Variants in PTGIS observed in about 807,000 individuals in gnomAD.
PTGIS encodes the protein prostacyclin synthase.
In PTGIS, 45 loss-of-function variants were observed where a neutral mutation model predicts 50.3. The observed-to-expected ratio is 0.90, with a 90% CI of 0.70 to 1.15. The LOEUF (loss-of-function observed/expected upper bound fraction) is 1.15, where lower values mean the gene tolerates loss of function less well. Ranked by LOEUF, PTGIS falls within the 50% of genes most tolerant of loss-of-function variation. The probability of loss-of-function intolerance (pLI) is 0.00; values close to 1 mark genes in which losing one functional copy is unlikely to be tolerated. For synonymous variants in PTGIS, 260 were observed against 267.7 expected, an observed-to-expected ratio of 0.97 and a Z score of 0.28; for missense variants, 668 against 661.3, an observed-to-expected ratio of 1.01 and a Z score of -0.11.
intron 5 of PTGIS, among the ~76,000 whole-genome samples, chr20:49,538,994 T>C (rs1224598757): frequency 2.0e-5 from 3 of 152,116 alleles, no homozygotes; most frequent in Non-Finnish European, 4.4e-5. Context: ...TCAGTGCGTT[T>C]AGATGTGTGT....
At chr20:49,566,265 G>A (rs1425084692) in intron 1 of PTGIS, among the ~76,000 whole-genome samples, 1 of 152,116 alleles carries the variant, frequency 6.6e-6, no homozygotes, top group African/African-American at 2.4e-5. Context: ...AGCCCATAAC[G>A]TATTCACATG....
chr20:49,505,037 G>A lies in PTGIS; in HGVS notation c.*2883C>T, dbSNP rs527902824. 1 of 150,318 alleles carries A rather than the reference G, an allele frequency of 6.7e-6. No individual in the cohort carries two copies. The highest frequency in any genetic ancestry group is 1.5e-5 in the Non-Finnish European group (1 of 67,784). The allele number at this position is 150,318 out of a possible 1,614,324, so 9.3% of individuals were successfully genotyped here. A position where few individuals can be genotyped will look rare whatever the true frequency, so the allele number is the denominator to read the frequency against. ...ACTCAGGAGGCTGAGGCAGGAGAATGGTGTGAACACGGGAGGCAGAGCTTG... is the reference window on the plus strand; with the variant it reads ...ACTCAGGAGGCTGAGGCAGGAGAATAGTGTGAACACGGGAGGCAGAGCTTG... On this transcript the variant is annotated 3_prime_UTR_variant, in exon 10 of 10. Coordinates refer to ENST00000244043, the MANE Select transcript of PTGIS (RefSeq NM_000961.4).
intron 5 of PTGIS, among the ~76,000 whole-genome samples, chr20:49,537,755 A>C (rs1169333126): frequency 3.3e-5 from 5 of 152,176 alleles, no homozygotes; most frequent in Non-Finnish European, 7.3e-5. Flanking sequence ...ACTCTGTCTC[A>C]AAAAAACAAA....
intron 1 of PTGIS, among the ~76,000 whole-genome samples, chr20:49,565,920 T>C (rs1982885339): frequency 6.6e-6 from 1 of 152,080 alleles, no homozygotes; most frequent in African/African-American, 2.4e-5. Context: ...CCTTCCAAGG[T>C]GCCCACAGGT....
chr20:49,557,544 C>T (rs762806102), intron 1 of PTGIS, among the ~76,000 whole-genome samples: 42 of 139,102 alleles, frequency 3.0e-4, no homozygotes, highest in Non-Finnish European at 1.4e-4. Flanking sequence ...GAGCAAAAAA[C>T]GTGCAGGAAG....
chr20:49,545,831 T>C (rs1044505900), intron 3 of PTGIS, among the ~76,000 whole-genome samples: 3 of 147,188 alleles, frequency 2.0e-5, no homozygotes, highest in East Asian at 4.0e-4. Flanking sequence ...TGATCTGTCA[T>C]GCCTGCTGTT....
intron 1 of PTGIS, among the ~76,000 whole-genome samples, chr20:49,556,471 G>A (rs76526057): frequency 0.013 from 2,021 of 152,258 alleles, 43 homozygotes; most frequent in African/African-American, 0.047. Context: ...GTATCTGCAG[G>A]CACAGCTAAA....
In PTGIS at chr20:49,511,109, C is replaced by T. The variant is rs144816768; in HGVS notation, c.1277G>A (p.Arg426Gln). 7.4e-5 allele frequency: 120 copies of T among 1,614,078 alleles called. No individual in the cohort carries two copies. Among genetic ancestry groups the T allele is most frequent in the Non-Finnish European group, 9.7e-5 (115 of 1,180,046 alleles). ...CCAGGGCATGTTGTAATTCTTCAGC[C>T]GTTTCCCATCCTTGTAAAAGTCTTT... ...EKKDFYKDGK[R>Q]LKNYNMPWGA... is the part of the protein sequence containing the mutation. The change falls in exon 9 of 10, where the codon CGG becomes CAG. Residue 426 changes from arginine to glutamine, a missense_variant. Transcript: ENST00000244043.
intron 2 of PTGIS, among the ~76,000 whole-genome samples, chr20:49,549,075 G>A (rs1982440874): frequency 6.6e-6 from 1 of 152,242 alleles, no homozygotes. Flanking sequence ...GGGAGACATC[G>A]AATACTGAAT....
intron 5 of PTGIS, among the ~76,000 whole-genome samples, chr20:49,535,858 T>G (rs1266533605): frequency 6.6e-6 from 1 of 152,236 alleles, no homozygotes; most frequent in Non-Finnish European, 1.5e-5. Flanking sequence ...TCCTTCTACT[T>G]TGCTGGATTC....
intron 1 of PTGIS, among the ~76,000 whole-genome samples, chr20:49,551,007 C>T (rs764343184): frequency 6.6e-6 from 1 of 152,098 alleles, no homozygotes; most frequent in Non-Finnish European, 1.5e-5. Context: ...AGTTGAAGAC[C>T]GGCCCGGCCA....
chr20:49,565,157 T>C (rs1019860057), intron 1 of PTGIS, among the ~76,000 whole-genome samples: 1 of 151,612 alleles, frequency 6.6e-6, no homozygotes, highest in East Asian at 1.9e-4. Context: ...TATTTTTTTT[T>C]TTTTTAGTAG....
At chr20:49,537,944 T>A (rs1961597744) in intron 5 of PTGIS, among the ~76,000 whole-genome samples, 1 of 152,072 alleles carries the variant, frequency 6.6e-6, no homozygotes, top group Non-Finnish European at 1.5e-5. Flanking sequence ...AATGAAATAC[T>A]ATACGGCAAT....
At chr20:49,537,196 C>G (rs1326545166) in intron 5 of PTGIS, among the ~76,000 whole-genome samples, 1 of 152,122 alleles carries the variant, frequency 6.6e-6, no homozygotes, top group South Asian at 2.1e-4. Flanking sequence ...GAGGGACCTA[C>G]GTTATGAAGA....
chr20:49,551,506 C>T (rs1982505802), intron 1 of PTGIS, among the ~76,000 whole-genome samples: 1 of 152,150 alleles, frequency 6.6e-6, no homozygotes, highest in African/African-American at 2.4e-5. Context: ...GGAAGCACCC[C>T]CCACATCAAG....
intron 1 of PTGIS, among the ~76,000 whole-genome samples, chr20:49,552,156 C>CT (rs137967315): frequency 0.034 from 5,007 of 148,884 alleles, 263 homozygotes; most frequent in African/African-American, 0.11. Flanking sequence ...TATCTGATTT[C>CT]TTTTTTTTTT....
intron 1 of PTGIS, among the ~76,000 whole-genome samples, chr20:49,560,838 A>G (rs1355392586): frequency 6.6e-6 from 1 of 152,226 alleles, no homozygotes; most frequent in Non-Finnish European, 1.5e-5. Flanking sequence ...TTTGTGGACC[A>G]CGAGGGCCAA....
At chr20:49,521,545 C>T (rs779974199) in intron 6 of PTGIS, among the ~76,000 whole-genome samples, 1 of 152,170 alleles carries the variant, frequency 6.6e-6, no homozygotes, top group Admixed American at 6.5e-5. Context: ...GTCATTCCCA[C>T]GAGAGTTCTG....
At chr20:49,563,398 G>A (rs921432350) in intron 1 of PTGIS, among the ~76,000 whole-genome samples, 6 of 152,148 alleles carry the variant, frequency 3.9e-5, no homozygotes, top group Non-Finnish European at 8.8e-5. Context: ...TCTGGTTTTT[G>A]AAATAGACAC....
Sources: allele counts gnomAD v4.1 joint callset (sites outside exome capture counted in the v4.1 genomes callset), GRCh38; gene constraint gnomAD v4.1.1; transcripts MANE v1.5; gene names NCBI Gene and HGNC (gene_info 2026-07-23, HGNC 2026-07-21).